Variants in ZFAND3 observed in about 807,000 individuals in gnomAD.
ZFAND3 encodes zinc finger AN1-type containing 3, also known as AN1-type zinc finger protein 3.
ZFAND3 carries 10 observed loss-of-function variants against 29.6 expected under a neutral mutation model. That is an observed-to-expected ratio of 0.34 (90% CI 0.21 to 0.57). The LOEUF (loss-of-function observed/expected upper bound fraction) is 0.57. Ranked by LOEUF, ZFAND3 falls within the 20% of genes least tolerant of loss-of-function variation. The pLI, the probability that ZFAND3 is intolerant of heterozygous loss-of-function variation, is 0.86. For synonymous variants in ZFAND3, 128 were observed against 112.6 expected (o/e 1.14, Z -0.87); for missense variants, 230 against 304.5 (o/e 0.76, Z 1.82).
At chr6:38,043,186 A>ATCTCG (rs1295285343) in intron 2 of ZFAND3, among the ~76,000 whole-genome samples, 1 of 150,702 alleles carries the variant, frequency 6.6e-6, no homozygotes, top group Non-Finnish European at 1.5e-5. Flanking sequence ...TGTTTCTCTC[A>ATCTCG]TCTCGTCTTG....
At position 38,153,373 on chromosome 6, in the gene ZFAND3, C is replaced by T. The variant is rs772047319; in HGVS notation, c.*984C>T. ...CTCTGCCCCTTCCAGCTGGAGCCGC[C>T]CGTGCCTCCAGGGGCCAAGAGGATG... On this transcript the variant is annotated 3_prime_UTR_variant, in exon 6 of 6. Transcript: ENST00000287218. 9.1e-6 allele frequency: 9 copies of T among 985,402 alleles called. No homozygotes were observed. The highest frequency in any genetic ancestry group is 1.1e-5 in the Non-Finnish European group (9 of 829,976). 61.0% of individuals were successfully genotyped at this position (985,402 alleles called of 1,614,324 possible).
chr6:38,026,770 C>G (rs1257402504), intron 2 of ZFAND3, among the ~76,000 whole-genome samples: 1 of 140,962 alleles, frequency 7.1e-6, no homozygotes, highest in African/African-American at 2.6e-5. Flanking sequence ...TATTATGGCT[C>G]TTTGCATTTT....
At chr6:37,955,660 T>C (rs1762075340) in intron 2 of ZFAND3, among the ~76,000 whole-genome samples, 1 of 152,204 alleles carries the variant, frequency 6.6e-6, no homozygotes, top group Non-Finnish European at 1.5e-5. Flanking sequence ...AATTAAATGA[T>C]GCCAGTGCTT....
intron 2 of ZFAND3, among the ~76,000 whole-genome samples, chr6:37,958,655 G>A (rs1699619601): frequency 6.6e-6 from 1 of 152,094 alleles, no homozygotes; most frequent in African/African-American, 2.4e-5. Context: ...TAGCAATTAA[G>A]CTTGGGATGA....
At chr6:38,132,998 A>G (rs1765771774) in intron 5 of ZFAND3, among the ~76,000 whole-genome samples, 1 of 152,212 alleles carries the variant, frequency 6.6e-6, no homozygotes, top group Non-Finnish European at 1.5e-5. Flanking sequence ...CACAGAACTG[A>G]TATTGGAGCA....
At chr6:38,050,244 C>T (rs1359874997) in intron 2 of ZFAND3, among the ~76,000 whole-genome samples, 2 of 151,958 alleles carry the variant, frequency 1.3e-5, no homozygotes, top group African/African-American at 2.4e-5. Flanking sequence ...CGTGAGTCAC[C>T]GTGCCTGGCC....
chr6:37,887,888 A>G (rs75891854), intron 1 of ZFAND3, among the ~76,000 whole-genome samples: 45 of 152,328 alleles, frequency 3.0e-4, no homozygotes, highest in African/African-American at 1.1e-3. Flanking sequence ...TGGCAAACAC[A>G]TTTACAAAGT....
At chr6:37,981,663 TG>T (rs1348497855) in intron 2 of ZFAND3, among the ~76,000 whole-genome samples, 1 of 152,184 alleles carries the variant, frequency 6.6e-6, no homozygotes, top group Admixed American at 6.5e-5. Context: ...TGTTTGACTC[TG>T]GGTGGTGGCT....
Position 38,152,369 on chromosome 6 carries a change from A to G in ZFAND3, c.664A>G (p.Ile222Val). 1 of 1,599,556 alleles carries G rather than the reference A, an allele frequency of 6.3e-7. No homozygotes were observed. The highest frequency in any genetic ancestry group is 8.5e-7 in the Non-Finnish European group (1 of 1,173,510). ...GAAAGTGGGGCGCTCCTGCCAGCGC[A>G]TCGGGGAGGGGTGCTCCTGAAGGCC... ...DRKVGRSCQR[I>V]GEGCS The change falls in exon 6 of 6, where the codon ATC (isoleucine) becomes GTC (valine). Residue 222 changes from isoleucine to valine, a missense_variant. Ile to Val is a conservative substitution (Grantham distance 29, BLOSUM62 3). Transcript: ENST00000287218.
chr6:38,026,332 T>G (rs1763446666), intron 2 of ZFAND3, among the ~76,000 whole-genome samples: 1 of 151,942 alleles, frequency 6.6e-6, no homozygotes, highest in South Asian at 2.1e-4. Flanking sequence ...ACACTAACTA[T>G]ATAAGGTCTC....
At chr6:38,144,160 T>C (rs1766019305) in intron 5 of ZFAND3, among the ~76,000 whole-genome samples, 1 of 94,840 alleles carries the variant, frequency 1.1e-5, no homozygotes, top group Non-Finnish European at 2.1e-5. Flanking sequence ...ATTACCTTGC[T>C]AGAAAAATGT....
At chr6:38,060,230 C>G (rs1764208472) in intron 2 of ZFAND3, among the ~76,000 whole-genome samples, 1 of 152,064 alleles carries the variant, frequency 6.6e-6, no homozygotes, top group Admixed American at 6.5e-5. Flanking sequence ...TACTAAGGGA[C>G]GACAGTATTT....
At chr6:37,857,248 G>T (rs1764400930) in intron 1 of ZFAND3, among the ~76,000 whole-genome samples, 1 of 152,058 alleles carries the variant, frequency 6.6e-6, no homozygotes, top group African/African-American at 2.4e-5. Context: ...ATCTGATTAG[G>T]ATAAATATTA....
chr6:37,999,567 C>T (rs1038566426), intron 2 of ZFAND3, among the ~76,000 whole-genome samples: 1 of 152,166 alleles, frequency 6.6e-6, no homozygotes, highest in African/African-American at 2.4e-5. Context: ...TGAGAATGGC[C>T]TCTGTGATCT....
At chr6:38,135,619 C>T (rs1239336901) in intron 5 of ZFAND3, among the ~76,000 whole-genome samples, 1 of 152,138 alleles carries the variant, frequency 6.6e-6, no homozygotes, top group Non-Finnish European at 1.5e-5. Context: ...GTGGCGTGCG[C>T]CTGTAATCCC....
At chr6:37,851,575 C>A (rs544421973) in intron 1 of ZFAND3, among the ~76,000 whole-genome samples, 1 of 148,364 alleles carries the variant, frequency 6.7e-6, no homozygotes, top group African/African-American at 2.5e-5. Flanking sequence ...TCCCTACTTA[C>A]AGTATTCTCT....
chr6:37,902,706 T>C (rs1204239851), intron 1 of ZFAND3, among the ~76,000 whole-genome samples: 2 of 150,852 alleles, frequency 1.3e-5, no homozygotes, highest in South Asian at 2.1e-4. Flanking sequence ...TCTTTTCAGA[T>C]AGAGATGCAG....
At chr6:38,140,658 C>G (rs1765930968) in intron 5 of ZFAND3, among the ~76,000 whole-genome samples, 1 of 152,204 alleles carries the variant, frequency 6.6e-6, no homozygotes, top group South Asian at 2.1e-4. Flanking sequence ...CCCAGCTGTT[C>G]ATGGGGTGTT....
At chr6:37,982,207 CTT>C (rs200719187) in intron 2 of ZFAND3, among the ~76,000 whole-genome samples, 6 of 140,410 alleles carry the variant, frequency 4.3e-5, no homozygotes, top group Non-Finnish European at 3.1e-5. Flanking sequence ...AGGTATGTAG[CTT>C]TTTTTTTTTT....
Sources: allele counts gnomAD v4.1 joint callset (sites outside exome capture counted in the v4.1 genomes callset), GRCh38; gene constraint gnomAD v4.1.1; transcripts MANE v1.5; gene names NCBI Gene and HGNC (gene_info 2026-07-23, HGNC 2026-07-21).